The following DGKH variants were observed in gnomAD, a reference collection of about 807,000 sequenced individuals.
DGKH encodes diacylglycerol kinase eta.
In DGKH, 90 loss-of-function variants were observed where a neutral mutation model predicts 159.3. The observed-to-expected ratio is 0.57, with a 90% confidence interval of 0.48 to 0.67. DGKH has a LOEUF of 0.67. Ranked by LOEUF, DGKH falls within the 30% of genes least tolerant of loss-of-function variation. The pLI, the probability that DGKH is intolerant of heterozygous loss-of-function variation, is 0.00. For missense variants in DGKH, 1,181 were observed against 1,506.1 expected (o/e 0.78, Z 3.57); for synonymous variants, 536 against 553.8 (o/e 0.97, Z 0.45).
At chr13:42,173,444 A>C (rs1262644867) in intron 11 of DGKH, among the ~76,000 whole-genome samples, 1 of 152,196 alleles carries the variant, frequency 6.6e-6, no homozygotes, top group Non-Finnish European at 1.5e-5. Context: ...AATTGAAATA[A>C]ATTTACTTCA....
At position 42,232,293 on chromosome 13, in the gene DGKH, G is replaced by C. The variant is rs2296504; in HGVS notation, c.*3105G>C. 1 of 152,082 alleles carries C rather than the reference G, an allele frequency of 6.6e-6. No individual in the cohort carries two copies. Among genetic ancestry groups the C allele is most frequent in the Non-Finnish European group, 1.5e-5 (1 of 68,034 alleles). 9.4% of individuals were successfully genotyped at this position (152,082 alleles called of 1,614,324 possible). The stretch of plus-strand genomic sequence containing the variant: ...TAGGCTCTTCCTCACCTGGAGGATC[G>C]GGGCTGGTGGGAGGGCAGGGAAGGG... On this transcript the variant is annotated 3_prime_UTR_variant, in exon 30 of 30. Transcript: ENST00000337343.
chr13:42,239,129 C>T lies in DGKH; in HGVS notation c.*9941C>T, dbSNP rs539430150. 2.0e-5 allele frequency: 3 copies of T among 152,112 alleles called. No homozygotes were observed. In the East Asian group the frequency reaches 5.8e-4, roughly 29 times the overall value. The allele number at this position is 152,112 out of a possible 1,614,324, so 9.4% of individuals were successfully genotyped here. On this transcript the variant is annotated 3_prime_UTR_variant, in exon 30 of 30. Coordinates refer to ENST00000337343, the MANE Select transcript of DGKH (RefSeq NM_178009.5). ...AAATTGTTTTTCTGGGAATTTGCTT[C>T]CCATAATGACCTGATATACAGGTGA...
intron 5 of DGKH, among the ~76,000 whole-genome samples, chr13:42,157,944 G>C (rs1187413841): frequency 3.3e-5 from 5 of 152,116 alleles, no homozygotes; most frequent in Admixed American, 2.6e-4. Context: ...ATTTTTAGTA[G>C]AGACAAGGTT....
chr13:42,041,140 G>GAACCGCTGGCA (rs796707567), intron 1 of DGKH, among the ~76,000 whole-genome samples: 38 of 152,300 alleles, frequency 2.5e-4, no homozygotes, highest in African/African-American at 8.9e-4. Context: ...TCTCCCCGAG[G>GAACCGCTGGCA]AACCGCTGGC....
chr13:42,178,178 T>C lies in DGKH; in HGVS notation c.1496T>C (p.Ile499Thr). 1.9e-6 allele frequency: 3 copies of C among 1,607,354 alleles called. No homozygotes were observed. Among genetic ancestry groups the C allele is most frequent in the Non-Finnish European group, 2.6e-6 (3 of 1,175,508 alleles). The change falls in exon 13 of 30, where the codon ATC (isoleucine) becomes ACC (threonine). Residue 499 changes from isoleucine to threonine, a missense_variant. Around this residue, in one of 5 missense-constraint regions of DGKH, gnomAD observed 369 missense variants for 519.4 expected, o/e 0.71. Coordinates refer to ENST00000337343, the MANE Select transcript of DGKH (RefSeq NM_178009.5). ...EDSVATHLTKILNSDEHAVVI... is the reference protein window; with the variant it reads ...EDSVATHLTKTLNSDEHAVVI... ...TCAGTTGCAACGCATCTTACAAAAA[T>C]CCTCAATTCTGATGAACATGCAGTG...
intron 20 of DGKH, among the ~76,000 whole-genome samples, chr13:42,204,548 T>C (rs1191956462): frequency 6.6e-6 from 1 of 152,240 alleles, no homozygotes; most frequent in African/African-American, 2.4e-5. Context: ...TTGGCTGAAT[T>C]AGCGAACACA....
rs10589269 is a variant in DGKH at position 42,074,648 on chromosome 13, GTCCATCCATCCA to G, written c.192+25713_192+25724del. 6.6e-3 allele frequency among the ~76,000 whole-genome samples: 988 copies of G among 149,050 alleles called. 12 individuals carry two copies. Among genetic ancestry groups the G allele is most frequent in the African/African-American group, 0.022 (904 of 40,384 alleles). On this transcript the variant is annotated intron_variant, in intron 1 of 29. Transcript: ENST00000337343. ...GCCACTGTCTGTATTGTATCTATCC[GTCCATCCATCCA>G]TCCATCCATCCATCCATCCATCCAT...
At chr13:42,088,317 G>A (rs770988465) in intron 1 of DGKH, among the ~76,000 whole-genome samples, 1 of 152,254 alleles carries the variant, frequency 6.6e-6, no homozygotes, top group Non-Finnish European at 1.5e-5. Context: ...AAATTTGCAA[G>A]TTCAGAGAGG....
intron 1 of DGKH, among the ~76,000 whole-genome samples, chr13:42,083,179 G>A (rs965167359): frequency 2.0e-5 from 3 of 152,184 alleles, no homozygotes; most frequent in Non-Finnish European, 2.9e-5. Context: ...TAGTAAATAT[G>A]CTGCCAGTGG....
chr13:42,134,717 A>T (rs185758724), intron 3 of DGKH, among the ~76,000 whole-genome samples: 16 of 151,856 alleles, frequency 1.1e-4, no homozygotes, highest in African/African-American at 3.6e-4. Context: ...TAAATACAAA[A>T]ATTTGCTGGG....
chr13:42,128,136 A>G (rs986437602), intron 2 of DGKH, among the ~76,000 whole-genome samples: 1 of 152,238 alleles, frequency 6.6e-6, no homozygotes, highest in African/African-American at 2.4e-5. Flanking sequence ...AATTAGGAAT[A>G]CAAATCATAT....
At chr13:42,107,786 G>A (rs1367027642) in intron 1 of DGKH, among the ~76,000 whole-genome samples, 1 of 151,940 alleles carries the variant, frequency 6.6e-6, no homozygotes, top group African/African-American at 2.4e-5. Context: ...TTGGTGTGGA[G>A]ACCTTGAGTG....
At chr13:42,041,838 TG>T (rs1880526674) in intron 1 of DGKH, among the ~76,000 whole-genome samples, 1 of 152,090 alleles carries the variant, frequency 6.6e-6, no homozygotes, top group Non-Finnish European at 1.5e-5. Flanking sequence ...CCGAAATTTC[TG>T]GCCTCACCCA....
chr13:42,075,231 G>C (rs933137874), intron 1 of DGKH, among the ~76,000 whole-genome samples: 4 of 152,134 alleles, frequency 2.6e-5, no homozygotes, highest in Non-Finnish European at 4.4e-5. Flanking sequence ...TTTTCTAGTG[G>C]TGTTTGAAGG....
intron 8 of DGKH, among the ~76,000 whole-genome samples, chr13:42,166,204 T>A (rs568588870): frequency 8.5e-5 from 13 of 152,224 alleles, no homozygotes; most frequent in Admixed American, 4.6e-4. Flanking sequence ...GTGACTTTTT[T>A]AAAAACCTGT....
At chr13:42,197,694 G>A in intron 17 of DGKH, among the ~76,000 whole-genome samples, 1 of 152,172 alleles carries the variant, frequency 6.6e-6, no homozygotes, top group South Asian at 2.1e-4. Context: ...CTAGGTGAGA[G>A]AGTGAGACTC....
intron 11 of DGKH, among the ~76,000 whole-genome samples, chr13:42,171,096 G>C (rs1956444035): frequency 6.6e-6 from 1 of 152,128 alleles, no homozygotes; most frequent in Admixed American, 6.5e-5. Flanking sequence ...TAGTTTTCTG[G>C]ATACAGTGGG....
rs1958296859 is a variant in DGKH at position 42,231,639 on chromosome 13, T to A, written c.*2451T>A. The A allele has an allele frequency of 6.6e-6, 1 of 152,242 alleles. No homozygotes were observed. The highest frequency in any genetic ancestry group is 2.4e-5 in the African/African-American group (1 of 41,454). 9.4% of individuals were successfully genotyped at this position (152,242 alleles called of 1,614,324 possible). A position where few individuals can be genotyped will look rare whatever the true frequency, so the allele number is the denominator to read the frequency against. On this transcript the variant is annotated 3_prime_UTR_variant, in exon 30 of 30. Coordinates refer to ENST00000337343, the MANE Select transcript of DGKH (RefSeq NM_178009.5). ...TTAATATAAATATCTATATTGATTT[T>A]CACCCCCCATTCCCCTTTGCTAATA...
intron 1 of DGKH, among the ~76,000 whole-genome samples, chr13:42,101,797 GA>G (rs1954657350): frequency 7.0e-6 from 1 of 142,406 alleles, no homozygotes; most frequent in Admixed American, 7.0e-5. Context: ...GAGAGAGAAA[GA>G]GAGAGAAATA....
Sources: allele counts gnomAD v4.1 joint callset (sites outside exome capture counted in the v4.1 genomes callset), GRCh38; gene constraint gnomAD v4.1.1; regional missense constraint gnomAD v4.1.1; transcripts MANE v1.5; gene names NCBI Gene and HGNC (gene_info 2026-07-23, HGNC 2026-07-21).